Variants in SMARCA4 observed in about 807,000 individuals in gnomAD.
SMARCA4 encodes the protein SWI/SNF related BAF chromatin remodeling complex subunit ATPase 4.
Under a neutral mutation model 193.9 loss-of-function variants are expected in SMARCA4, and 31 were observed. The observed-to-expected ratio is 0.16, with a 90% confidence interval of 0.12 to 0.22. The LOEUF (loss-of-function observed/expected upper bound fraction) is 0.22, where lower values mean the gene tolerates loss of function less well. SMARCA4 is among the 10% of genes least tolerant of loss of function. The pLI is 1.00. For missense variants in SMARCA4, 1,148 were observed against 2,296.0 expected (o/e 0.50, Z 10.22); for synonymous variants, 942 against 933.1 (o/e 1.01, Z -0.17).
rs1060504429 is a variant in SMARCA4, at chr19:10,987,691, C to T, written c.885C>T (p.Pro295=). 2 of 1,612,844 alleles carry T rather than the reference C, an allele frequency of 1.2e-6. No individual in the cohort carries two copies. The highest frequency in any genetic ancestry group is 1.1e-5 in the South Asian group (1 of 91,066). The change falls in exon 6 of 35, where the codon CCC becomes CCT. Residue 295 remains proline (P), a synonymous_variant. Transcript: ENST00000344626. The surrounding 1 kb of genome is among the most constrained non-coding windows in gnomAD (Gnocchi z 5.3). Reference sequence around the variant, plus strand: ...GACCCATGGCGAATGCTGCTGCCCCCACGAGCACCCCTCAGAAGCTGATTC... The same window carrying T: ...GACCCATGGCGAATGCTGCTGCCCCTACGAGCACCCCTCAGAAGCTGATTC... ...PEGPMANAAA[P]TSTPQKLIPP...
chr19:11,033,371 G>A lies in SMARCA4; in HGVS notation c.3628G>A (p.Val1210Met), dbSNP rs1358760766. ...RVLRLCTVNS[V>M]EEKILAAAKY... is the part of the protein sequence containing the mutation. ...GCTCCGCCTCTGCACCGTCAACAGC[G>A]TGGAGGAGAAGATCCTAGCTGCAGC... The change falls in exon 26 of 35, where the codon GTG becomes ATG. Residue 1210 changes from valine to methionine, a missense_variant. By Grantham distance (21) the Val-to-Met change is conservative. Transcript: ENST00000344626. This position sits in a 1 kb window ranked among gnomAD's most constrained non-coding sequence, Gnocchi z 9.8. 1.2e-6 allele frequency: 2 copies of A among 1,613,276 alleles called. No homozygotes were observed. The highest frequency in any genetic ancestry group is 1.3e-5 in the African/African-American group (1 of 74,928).
intron 1 of SMARCA4, among the ~76,000 whole-genome samples, chr19:10,971,917 T>A: frequency 6.6e-6 from 1 of 150,956 alleles, no homozygotes; most frequent in East Asian, 1.9e-4. Flanking sequence ...GCCTCCTGAG[T>A]AGCTGGGATT....
At chr19:11,052,564 G>A (rs142577125) in intron 30 of SMARCA4, among the ~76,000 whole-genome samples, 4 of 152,280 alleles carry the variant, frequency 2.6e-5, no homozygotes, top group African/African-American at 7.2e-5. Context: ...CCCAGAGGGC[G>A]CCCCTGCCTG....
At chr19:10,998,895 C>CTTT (rs1335988156) in intron 11 of SMARCA4, among the ~76,000 whole-genome samples, 1 of 138,464 alleles carries the variant, frequency 7.2e-6, no homozygotes, top group Admixed American at 7.3e-5. Flanking sequence ...GTCCTGGTTC[C>CTTT]TTTTTTTTTT....
intron 16 of SMARCA4, among the ~76,000 whole-genome samples, chr19:11,014,194 A>G (rs2089140316): frequency 6.6e-6 from 1 of 151,714 alleles, no homozygotes; most frequent in South Asian, 2.1e-4. Context: ...CGGACCCCCA[A>G]CTCCTGGCAG....
In SMARCA4 at chr19:10,987,984, A is replaced by T; in HGVS notation, c.1118+60A>T. The T allele has an allele frequency of 6.4e-7, 1 of 1,570,550 alleles. No homozygotes were observed. Among genetic ancestry groups the T allele is most frequent in the Non-Finnish European group, 8.7e-7 (1 of 1,148,554 alleles). ...CTGTGTCCCCCATGTCCCCCTGGGG[A>T]AGCCACTCAACTTTCTCCCCCACTC... On this transcript the variant is annotated intron_variant, in intron 6 of 34. Transcript: ENST00000344626. This position sits in a 1 kb window ranked among gnomAD's most constrained non-coding sequence, Gnocchi z 5.3.
chr19:11,012,906 G>A (rs775184110), intron 15 of SMARCA4, 43 bp from the exon 16 acceptor site: 55 of 1,608,604 alleles, frequency 3.4e-5, no homozygotes, highest in African/African-American at 1.3e-4. Context: ...TCTGGTGTCC[G>A]ACCCGGCCTT....
intron 32 of SMARCA4, 137 bp from the exon 33 acceptor site, chr19:11,059,616 G>C: frequency 1.0e-6 from 1 of 971,732 alleles, no homozygotes; most frequent in Non-Finnish European, 1.6e-6. Flanking sequence ...CTGAAGCCCC[G>C]ACCCGCTGAG....
intron 1 of SMARCA4, among the ~76,000 whole-genome samples, chr19:10,981,245 C>T (rs2093809350): frequency 1.3e-5 from 2 of 152,040 alleles, no homozygotes; most frequent in African/African-American, 4.8e-5. Context: ...GAGCCAGTGC[C>T]TCCCCCTGCC....
Position 10,986,518 on chromosome 19 carries a change from G to T in SMARCA4, c.685G>T (p.Gly229Ter), listed in dbSNP as rs2145783202. 1 of 1,544,512 alleles carries T rather than the reference G, an allele frequency of 6.5e-7. No individual in the cohort carries two copies. ...TLPPPSVSAT[G>*]PGPGPGPGPG... is the part of the protein sequence containing the mutation. ...ACCTCCACCCTCGGTGTCCGCAACAGGACCCGGCCCTGGCCCTGGCCCTGG... is the reference window on the plus strand; with the variant it reads ...ACCTCCACCCTCGGTGTCCGCAACATGACCCGGCCCTGGCCCTGGCCCTGG... The change falls in exon 4 of 35, where the codon GGA becomes TGA. Residue 229 changes from glycine (G) to a stop codon, truncating the protein, a stop_gained. Transcript: ENST00000344626. LOFTEE classifies it high-confidence loss of function. This position sits in a 1 kb window ranked among gnomAD's most constrained non-coding sequence, Gnocchi z 6.7.
rs149884923 is a variant in SMARCA4 at position 11,049,668 on chromosome 19, C to A, written c.4424+8108C>A. The stretch of plus-strand genomic sequence containing the variant: ...TCAAGGCCGCATGTGTGTCAGGGGG[C>A]ACACCCTTGGTGTGCTTGGTAAGGG... On this transcript the variant is annotated intron_variant, in intron 30 of 34. Coordinates refer to ENST00000344626, the MANE Select transcript of SMARCA4 (RefSeq NM_003072.5). Among the ~76,000 whole-genome samples, 22 of 152,202 alleles carry A rather than the reference C, an allele frequency of 1.4e-4. No individual in the cohort carries two copies. The Middle Eastern group carries it at 0.01, about 71-fold the overall frequency.
chr19:11,009,227 G>A (rs1027177646), intron 14 of SMARCA4, among the ~76,000 whole-genome samples: 11 of 151,622 alleles, frequency 7.3e-5, no homozygotes, highest in African/African-American at 1.9e-4. Context: ...TCACCATGTT[G>A]GCCAGGATGG....
Position 11,010,376 on chromosome 19 carries a change from C to A in SMARCA4, c.2124-5C>A, listed in dbSNP as rs182602020. The A allele has an allele frequency of 3.7e-6, 6 of 1,613,876 alleles. No homozygotes were observed. The highest frequency in any genetic ancestry group is 5.1e-6 in the Non-Finnish European group (6 of 1,179,996). On this transcript the variant is annotated splice_region_variant and splice_polypyrimidine_tract_variant and intron_variant, in intron 14 of 34. Transcript: ENST00000344626. ...CCTTACCCGGCACCTCCATCTCACTCCCAGGAATGCCAAGCAAGATGTCGA... is the reference window on the plus strand; with the variant it reads ...CCTTACCCGGCACCTCCATCTCACTACCAGGAATGCCAAGCAAGATGTCGA...
Position 11,027,963 on chromosome 19 carries a change from C to T in SMARCA4, c.3382+13C>T, listed in dbSNP as rs1198352409. The T allele has an allele frequency of 1.2e-6, 2 of 1,613,648 alleles. No individual in the cohort carries two copies. Among genetic ancestry groups the T allele is most frequent in the Non-Finnish European group, 8.5e-7 (1 of 1,179,560 alleles). ...CTCAGGCTTGATGGTGAGTATGAGC[C>T]AGTGAGGCGTTTCTTACAGGGTTTT... is the stretch of plus-strand genomic sequence containing the variant. On this transcript the variant is annotated intron_variant, in intron 24 of 34. Coordinates refer to ENST00000344626, the MANE Select transcript of SMARCA4 (RefSeq NM_003072.5).
chr19:11,011,286 G>A lies in SMARCA4; in HGVS notation c.2274+755G>A, dbSNP rs187367454. ...GTTGCCCAGGCTGGAGTGCAATGGC[G>A]CGATCTCAGCTCACTGCAACCTCTG... On this transcript the variant is annotated intron_variant, in intron 15 of 34. Transcript: ENST00000344626. 1,135 of 152,600 alleles carry A rather than the reference G, an allele frequency of 7.4e-3. 8 individuals carry two copies. Among genetic ancestry groups the A allele is most frequent in the Non-Finnish European group, 0.011 (782 of 68,742 alleles). 9.5% of individuals were successfully genotyped at this position (152,600 alleles called of 1,614,324 possible). A position where few individuals can be genotyped will look rare whatever the true frequency, so the allele number is the denominator to read the frequency against.
At chr19:10,972,042 G>A (rs1056210483) in intron 1 of SMARCA4, among the ~76,000 whole-genome samples, 22 of 149,966 alleles carry the variant, frequency 1.5e-4, no homozygotes, top group East Asian at 5.9e-4. Flanking sequence ...TGCAACCTCC[G>A]CCTCCTGGGT....
chr19:11,044,249 C>T (rs1040902245), intron 30 of SMARCA4, among the ~76,000 whole-genome samples: 6 of 151,996 alleles, frequency 3.9e-5, no homozygotes, highest in Admixed American at 1.3e-4. Context: ...GATGTAAGAA[C>T]GTGAAAGGTA....
chr19:11,013,657 C>T (rs1177879505), intron 16 of SMARCA4, among the ~76,000 whole-genome samples: 1 of 152,084 alleles, frequency 6.6e-6, no homozygotes, highest in Non-Finnish European at 1.5e-5. Context: ...TTTTCAAGTC[C>T]CACAACCAGC....
intron 34 of SMARCA4, chr19:11,060,428 G>C: frequency 1.7e-6 from 1 of 600,176 alleles, no homozygotes; most frequent in South Asian, 1.9e-5. Flanking sequence ...TCTGGGGACT[G>C]GGGGACACGT....
Sources: gnomAD v4.1 joint callset for allele counts (sites outside exome capture counted in the v4.1 genomes callset) on GRCh38, gnomAD v4.1.1 for gene constraint, Gnocchi (gnomAD v3.1) non-coding constraint, MANE v1.5 for transcripts, NCBI Gene and HGNC (gene_info 2026-07-23, HGNC 2026-07-21) for gene names.